Variants in NGLY1 observed in about 807,000 individuals in gnomAD.
The protein encoded by NGLY1 is N-glycanase 1.
A neutral mutation model predicts 84.6 loss-of-function variants in NGLY1; 68 were observed. The observed-to-expected ratio is 0.80, with a 90% CI of 0.66 to 0.98. The LOEUF (loss-of-function observed/expected upper bound fraction) is 0.98, where lower values mean the gene tolerates loss of function less well. Among genes scored for constraint, NGLY1 ranks in the 50% least tolerant of loss-of-function variants. The pLI, the probability that NGLY1 is intolerant of heterozygous loss-of-function variation, is 0.00. For missense variants in NGLY1, 779 were observed against 770.2 expected, an observed-to-expected ratio of 1.01 and a Z score of -0.14; for synonymous variants, 280 against 275.2, an observed-to-expected ratio of 1.02 and a Z score of -0.17.
chr3:25,772,164 T>C (rs981452642), intron 2 of NGLY1, among the ~76,000 whole-genome samples: 1 of 152,218 alleles, frequency 6.6e-6, no homozygotes, highest in African/African-American at 2.4e-5. Flanking sequence ...GGCTGTGAGT[T>C]TGTCATACAA....
At chr3:25,752,537 C>T (rs1275209994) in intron 3 of NGLY1, among the ~76,000 whole-genome samples, 4 of 151,006 alleles carry the variant, frequency 2.6e-5, no homozygotes, top group Non-Finnish European at 5.9e-5. Context: ...AAAATTTAAA[C>T]ATTAAAATAA....
Position 25,783,319 on chromosome 3 carries a change from G to A in NGLY1, c.72C>T (p.Thr24=), listed in dbSNP as rs1205855870. Residue 24 remains threonine, a synonymous_variant, in exon 1 of 12, where the codon ACC becomes ACT. Coordinates refer to ENST00000280700, the MANE Select transcript of NGLY1 (RefSeq NM_018297.4). The surrounding 1 kb of genome is among the most constrained non-coding windows in gnomAD (Gnocchi z 4.5). ...TGGAGGCCTCCAAAAAGGTCTCCGG[G>A]GTGTTCTGGCAGAGCTCAGCCACGG... is the stretch of plus-strand genomic sequence containing the variant. ...SPAVAELCQN[T]PETFLEASKL... The A allele has an allele frequency of 6.2e-7, 1 of 1,602,754 alleles. No individual in the cohort carries two copies. Among genetic ancestry groups the A allele is most frequent in the South Asian group, 1.1e-5 (1 of 89,396 alleles).
intron 10 of NGLY1, among the ~76,000 whole-genome samples, chr3:25,724,598 CAA>C (rs1705159223): frequency 1.3e-5 from 2 of 152,114 alleles, no homozygotes; most frequent in South Asian, 2.1e-4. Context: ...GCAAGGTAAT[CAA>C]AGTCTCTGGG....
intron 4 of NGLY1, among the ~76,000 whole-genome samples, chr3:25,742,809 T>A (rs940994961): frequency 7.1e-6 from 1 of 141,192 alleles, no homozygotes; most frequent in Non-Finnish European, 1.5e-5. Context: ...CTCCCCGTCG[T>A]AGGCTAAAAA....
At chr3:25,771,347 G>T (rs1030929341) in intron 2 of NGLY1, among the ~76,000 whole-genome samples, 1 of 152,156 alleles carries the variant, frequency 6.6e-6, no homozygotes, top group Admixed American at 6.5e-5. Context: ...TCAGTTGGCT[G>T]TAAGTATTTG....
At chr3:25,748,683 A>T (rs539260586) in intron 4 of NGLY1, among the ~76,000 whole-genome samples, 5 of 152,280 alleles carry the variant, frequency 3.3e-5, no homozygotes, top group African/African-American at 1.2e-4. Flanking sequence ...TGACTCCAAA[A>T]CCTACTCTTA....
chr3:25,785,709 A>T (rs1191223786), upstream of NGLY1, among the ~76,000 whole-genome samples: 1 of 152,136 alleles, frequency 6.6e-6, no homozygotes, highest in Non-Finnish European at 1.5e-5. Flanking sequence ...AAGATTGTCT[A>T]TATACAAAAC....
chr3:25,774,509 T>C (rs1401811174), intron 2 of NGLY1, among the ~76,000 whole-genome samples: 1 of 151,858 alleles, frequency 6.6e-6, no homozygotes, highest in Admixed American at 6.6e-5. Context: ...GCCAATGGAG[T>C]TATGTTTCCA....
In NGLY1 at chr3:25,749,406, C is replaced by T. The variant is rs966886462; in HGVS notation, c.658+1692G>A. On this transcript the variant is annotated intron_variant, in intron 4 of 11. Transcript: ENST00000280700. ...AAATGTGATATATACATAAACAGGACATTATTCACCTTAAAAAGGAAGGAA... is the reference window on the plus strand; with the variant it reads ...AAATGTGATATATACATAAACAGGATATTATTCACCTTAAAAAGGAAGGAA... 9 of 795,028 alleles carry T rather than the reference C, an allele frequency of 1.1e-5. No homozygotes were observed. In the African/African-American group the frequency reaches 1.5e-4, roughly 14 times the overall value. The allele number at this position is 795,028 out of a possible 1,614,324, so 49.2% of individuals were successfully genotyped here.
At chr3:25,787,930 C>T (rs1479978341), upstream of NGLY1, among the ~76,000 whole-genome samples, 2 of 152,212 alleles carry the variant, frequency 1.3e-5, no homozygotes, top group African/African-American at 4.8e-5. Flanking sequence ...ACCCAATTTA[C>T]TAGACAAACA....
intron 9 of NGLY1, among the ~76,000 whole-genome samples, chr3:25,731,992 G>T (rs939728397): frequency 1.3e-5 from 2 of 151,880 alleles, no homozygotes; most frequent in Non-Finnish European, 2.9e-5. Context: ...CGATTACATG[G>T]GTGTTAAATT....
At chr3:25,767,534 A>T (rs1468872970) in intron 2 of NGLY1, among the ~76,000 whole-genome samples, 1 of 152,166 alleles carries the variant, frequency 6.6e-6, no homozygotes, top group Admixed American at 6.5e-5. Context: ...TCCTGGTGGA[A>T]AACTACTCCA....
rs750294252 is a variant in NGLY1 at position 25,729,308 on chromosome 3, GTTTCT to G, written c.1431_1435del (p.Lys477AsnfsTer7). The stretch of plus-strand genomic sequence containing the variant: ...CTCATTTTCACAGGGAATAAACAAG[GTTTCT>G]TTTCTCTTAAAAAGAAAGCAGAATT... On this transcript the variant is annotated frameshift_variant, in exon 10 of 12. Coordinates refer to ENST00000280700, the MANE Select transcript of NGLY1 (RefSeq NM_018297.4). LOFTEE classifies it high-confidence loss of function. 7.2e-7 allele frequency: 1 copy of G among 1,387,146 alleles called. No homozygotes were observed. The highest frequency in any genetic ancestry group is 2.7e-5 in the East Asian group (1 of 36,996). 85.9% of individuals were successfully genotyped at this position (1,387,146 alleles called of 1,614,324 possible).
At chr3:25,752,631 G>C (rs1435165595) in intron 3 of NGLY1, among the ~76,000 whole-genome samples, 1 of 149,390 alleles carries the variant, frequency 6.7e-6, no homozygotes, top group Admixed American at 6.7e-5. Context: ...AATACAGCAA[G>C]ATCCTATCTC....
chr3:25,774,667 C>T (rs1708070256), intron 2 of NGLY1, among the ~76,000 whole-genome samples: 1 of 152,160 alleles, frequency 6.6e-6, no homozygotes, highest in Non-Finnish European at 1.5e-5. Flanking sequence ...ATGTTTATAT[C>T]CAGGCAGTGT....
At chr3:25,781,730 C>T (rs1465662904) in intron 1 of NGLY1, among the ~76,000 whole-genome samples, 2 of 152,182 alleles carry the variant, frequency 1.3e-5, no homozygotes, top group East Asian at 3.8e-4. Context: ...CATTAGTAAA[C>T]ATTCATAATG....
intron 2 of NGLY1, among the ~76,000 whole-genome samples, chr3:25,768,112 CAAAAAAAAAAA>C (rs1165791295): frequency 1.6e-3 from 77 of 49,156 alleles, no homozygotes; most frequent in African/African-American, 5.7e-3. Flanking sequence ...GACTCCATCT[CAAAAAAAAAAA>C]AAAAAAAAAA....
At chr3:25,738,546 C>T (rs1705961347) in intron 5 of NGLY1, among the ~76,000 whole-genome samples, 1 of 151,878 alleles carries the variant, frequency 6.6e-6, no homozygotes, top group Admixed American at 6.6e-5. Context: ...ATGGGCTCTG[C>T]GATGACAAGT....
intron 3 of NGLY1, among the ~76,000 whole-genome samples, chr3:25,758,314 G>T (rs1395821560): frequency 6.6e-6 from 1 of 152,116 alleles, no homozygotes; most frequent in Non-Finnish European, 1.5e-5. Context: ...GGTGGCTTAT[G>T]GCTATAACCC....
Sources: gnomAD v4.1 joint callset for allele counts (sites outside exome capture counted in the v4.1 genomes callset) on GRCh38, gnomAD v4.1.1 for gene constraint, Gnocchi (gnomAD v3.1) non-coding constraint, MANE v1.5 for transcripts, NCBI Gene and HGNC (gene_info 2026-07-23, HGNC 2026-07-21) for gene names.